Variants in WRN observed in about 807,000 individuals in gnomAD.
The protein encoded by WRN is bifunctional 3'-5' exonuclease/ATP-dependent helicase WRN.
A neutral mutation model predicts 180.7 loss-of-function variants in WRN; 149 were observed. The ratio of observed to expected loss-of-function variants is 0.82; its 90% CI spans 0.72 to 0.94. The LOEUF (loss-of-function observed/expected upper bound fraction) is 0.94, where lower values mean the gene tolerates loss of function less well. Among genes scored for constraint, WRN ranks in the 40% least tolerant of loss-of-function variants. WRN has a pLI of 0.00. For missense variants in WRN, 1,661 were observed against 1,700.1 expected, an observed-to-expected ratio of 0.98 and a Z score of 0.40; for synonymous variants, 548 against 568.9, an observed-to-expected ratio of 0.96 and a Z score of 0.52.
At chr8:31,073,603 T>C (rs1812991514) in intron 7 of WRN, among the ~76,000 whole-genome samples, 1 of 152,082 alleles carries the variant, frequency 6.6e-6, no homozygotes, top group African/African-American at 2.4e-5. Flanking sequence ...TCAGATCCGA[T>C]GGTAGTTAAA....
At chr8:31,167,605 T>C (rs1433245408) in intron 34 of WRN, among the ~76,000 whole-genome samples, 2 of 152,132 alleles carry the variant, frequency 1.3e-5, no homozygotes, top group African/African-American at 4.8e-5. Context: ...AACTGGTTTA[T>C]TATCATTCTA....
chr8:31,111,552 T>A, intron 18 of WRN, 63 bp from the exon 19 acceptor site: 1 of 1,571,576 alleles, frequency 6.4e-7, no homozygotes, highest in Non-Finnish European at 8.7e-7. Flanking sequence ...GTAAGAAAGC[T>A]ATAGACATGT....
At chr8:31,093,380 C>T (rs1416903071) in intron 16 of WRN, among the ~76,000 whole-genome samples, 2 of 152,086 alleles carry the variant, frequency 1.3e-5, no homozygotes, top group African/African-American at 4.8e-5. Flanking sequence ...GGATTACAGG[C>T]GTGAACCACC....
chr8:31,092,097 C>T (rs1813770780), intron 16 of WRN, among the ~76,000 whole-genome samples, 199 bp downstream of exon 16: 1 of 151,884 alleles, frequency 6.6e-6, no homozygotes, highest in Admixed American at 6.6e-5. Flanking sequence ...AAAAAAAGTC[C>T]ATGATTTTAA....
At chr8:31,159,650 A>G (rs545676787) in intron 33 of WRN, among the ~76,000 whole-genome samples, 10 of 149,816 alleles carry the variant, frequency 6.7e-5, no homozygotes, top group Middle Eastern at 3.4e-3. Flanking sequence ...TATTAAAAAA[A>G]GGTGTTGCGC....
intron 7 of WRN, among the ~76,000 whole-genome samples, chr8:31,075,535 A>G (rs1370234899): frequency 6.6e-6 from 1 of 151,572 alleles, no homozygotes; most frequent in Non-Finnish European, 1.5e-5. Context: ...CCATTGCGAA[A>G]CACTGTCTCT....
intron 7 of WRN, among the ~76,000 whole-genome samples, chr8:31,075,006 A>G (rs2130088795): frequency 6.6e-6 from 1 of 152,192 alleles, no homozygotes; most frequent in East Asian, 1.9e-4. Context: ...TTATAAGGTC[A>G]ACGGTATGAC....
chr8:31,143,058 C>CACAT (rs1554533182), intron 27 of WRN, among the ~76,000 whole-genome samples: 36 of 140,828 alleles, frequency 2.6e-4, no homozygotes, highest in African/African-American at 7.4e-4. Context: ...CACACACATT[C>CACAT]TCTCTCTCTC....
chr8:31,111,132 C>G (rs1443232924), intron 18 of WRN, among the ~76,000 whole-genome samples: 2 of 149,160 alleles, frequency 1.3e-5, no homozygotes, highest in Non-Finnish European at 3.0e-5. Context: ...TTTGTGAAGC[C>G]ATAAACCTAT....
intron 9 of WRN, among the ~76,000 whole-genome samples, chr8:31,082,650 G>A (rs576670026): frequency 6.1e-4 from 93 of 151,660 alleles, no homozygotes; most frequent in African/African-American, 2.1e-3. Flanking sequence ...AAGCTGGAGT[G>A]CCGTGGCGCA....
chr8:31,054,076 T>C (rs192620370), intron 1 of WRN, among the ~76,000 whole-genome samples: 3 of 152,312 alleles, frequency 2.0e-5, no homozygotes, highest in Non-Finnish European at 4.4e-5. Context: ...CAAAGCCTTC[T>C]CCTTTGCCAT....
intron 1 of WRN, among the ~76,000 whole-genome samples, chr8:31,051,647 G>A (rs1812080743): frequency 6.6e-6 from 1 of 152,050 alleles, no homozygotes; most frequent in Admixed American, 6.6e-5. Flanking sequence ...TATGGAATAG[G>A]TCCACTCGTT....
In WRN at chr8:31,141,293, AT is replaced by A. The variant is rs553111468; in HGVS notation, c.2968-136del. 1.9e-4 allele frequency: 193 copies of A among 1,016,042 alleles called. 1 individual carries two copies. Among genetic ancestry groups the A allele is most frequent in the Middle Eastern group, 9.8e-4 (4 of 4,096 alleles). The allele number at this position is 1,016,042 out of a possible 1,614,324, so 62.9% of individuals were successfully genotyped here. On this transcript the variant is annotated intron_variant, in intron 24 of 34. Transcript: ENST00000298139. ...GAGTGGAGTGTTCAGAATGAGCACG[AT>A]GGGTATAACATTTTTGTAGGTTTTT...
intron 1 of WRN, among the ~76,000 whole-genome samples, chr8:31,056,589 C>A (rs995586066): frequency 1.3e-5 from 2 of 152,006 alleles, no homozygotes; most frequent in African/African-American, 4.8e-5. Context: ...TTTTTTGAGT[C>A]CCAAACCGTG....
At chr8:31,157,729 G>GTT (rs940676166) in intron 33 of WRN, among the ~76,000 whole-genome samples, 199 bp downstream of exon 33, 8 of 151,942 alleles carry the variant, frequency 5.3e-5, no homozygotes, top group African/African-American at 1.9e-4. Flanking sequence ...AAATTTTTTT[G>GTT]TTTTGTTTTG....
chr8:31,132,295 C>T (rs1802209931), intron 23 of WRN, 70 bp from the exon 24 acceptor site: 1 of 1,552,506 alleles, frequency 6.4e-7, no homozygotes. Flanking sequence ...AATTGTTATG[C>T]TAAATCTTTT....
At chr8:31,095,015 T>A (rs1397758927) in intron 16 of WRN, among the ~76,000 whole-genome samples, 3 of 152,204 alleles carry the variant, frequency 2.0e-5, no homozygotes, top group African/African-American at 4.8e-5. Flanking sequence ...GCTAATTTTT[T>A]AAGAAACTAT....
intron 21 of WRN, among the ~76,000 whole-genome samples, chr8:31,121,722 T>C (rs530997286): frequency 1.1e-3 from 158 of 149,372 alleles, no homozygotes; most frequent in Non-Finnish European, 1.9e-3. Context: ...GAAAGAAGAA[T>C]AGGAATTAAT....
At chr8:31,106,521 G>A (rs1393465188) in intron 18 of WRN, among the ~76,000 whole-genome samples, 1 of 151,778 alleles carries the variant, frequency 6.6e-6, no homozygotes, top group Non-Finnish European at 1.5e-5. Context: ...GTTTTTCTTC[G>A]GACATTCCAG....
Sources: gnomAD v4.1 joint callset for allele counts (sites outside exome capture counted in the v4.1 genomes callset) on GRCh38, gnomAD v4.1.1 for gene constraint, MANE v1.5 for transcripts, NCBI Gene and HGNC (gene_info 2026-07-23, HGNC 2026-07-21) for gene names.